Variants in ROBO2 observed in about 807,000 individuals in gnomAD.
ROBO2 encodes roundabout guidance receptor 2.
Under a neutral mutation model 160.8 loss-of-function variants are expected in ROBO2, and 53 were observed. The observed-to-expected ratio is 0.33, with a 90% CI of 0.26 to 0.41. The LOEUF (loss-of-function observed/expected upper bound fraction) is 0.41. Among genes scored for constraint, ROBO2 ranks in the 10% least tolerant of loss-of-function variants. The pLI, the probability that ROBO2 is intolerant of heterozygous loss-of-function variation, is 1.00. For synonymous variants in ROBO2, 664 were observed against 611.7 expected (o/e 1.09, Z -1.26); for missense variants, 1,577 against 1,722.4 (o/e 0.92, Z 1.49).
chr3:76,336,549 C>A (rs1362488678), intron 2 of ROBO2, among the ~76,000 whole-genome samples: 1 of 152,162 alleles, frequency 6.6e-6, no homozygotes, highest in Non-Finnish European at 1.5e-5. Flanking sequence ...AAGAATACTG[C>A]AGTGGCCTAA....
intron 2 of ROBO2, among the ~76,000 whole-genome samples, chr3:76,626,628 A>C (rs1051300489): frequency 1.3e-5 from 2 of 152,200 alleles, no homozygotes; most frequent in African/African-American, 4.8e-5. Context: ...CAACATCTCT[A>C]TCCATTATCA....
chr3:76,542,767 G>A (rs1056784740), intron 2 of ROBO2, among the ~76,000 whole-genome samples: 4 of 152,016 alleles, frequency 2.6e-5, no homozygotes, highest in Non-Finnish European at 5.9e-5. Flanking sequence ...TTACTCCTCT[G>A]TCCAATAATA....
chr3:77,073,275 A>C (rs1289610056), intron 1 of ROBO2, among the ~76,000 whole-genome samples: 1 of 152,130 alleles, frequency 6.6e-6, no homozygotes, highest in African/African-American at 2.4e-5. Flanking sequence ...ATTGGCCATT[A>C]TTTTTCTAAT....
intron 2 of ROBO2, among the ~76,000 whole-genome samples, chr3:77,250,550 C>CA (rs1457238961): frequency 1.3e-5 from 2 of 152,212 alleles, no homozygotes; most frequent in Admixed American, 6.5e-5. Flanking sequence ...CTGAGGCAGA[C>CA]ACGGTCTTTT....
intron 2 of ROBO2, among the ~76,000 whole-genome samples, chr3:76,689,636 T>G (rs2092757953): frequency 6.6e-6 from 1 of 152,160 alleles, no homozygotes; most frequent in African/African-American, 2.4e-5. Context: ...CTAGAAACCT[T>G]AATAAACAAT....
chr3:77,493,229 A>AT lies in ROBO2; in HGVS notation c.668-5dup, dbSNP rs769192248. 5,498 of 1,421,466 alleles carry AT rather than the reference A, an allele frequency of 3.9e-3. No homozygotes were observed. Among genetic ancestry groups the AT allele is most frequent in the Non-Finnish European group, 4.4e-3 (4,517 of 1,030,696 alleles). The allele number at this position is 1,421,466 out of a possible 1,614,324, so 88.1% of individuals were successfully genotyped here. A position where few individuals can be genotyped will look rare whatever the true frequency, so the allele number is the denominator to read the frequency against. ...GTTTATCTCATTTTACCATTGTTTC[A>AT]TTTTTTTTTTCAAGAACGACCCACA... On this transcript the variant is annotated splice_polypyrimidine_tract_variant and intron_variant, in intron 4 of 25. Transcript: ENST00000461745.
chr3:76,270,840 A>G (rs571514740), intron 2 of ROBO2, among the ~76,000 whole-genome samples: 3 of 152,062 alleles, frequency 2.0e-5, no homozygotes, highest in Non-Finnish European at 4.4e-5. Context: ...AGTCCTAGAT[A>G]TGTTACCTGA....
chr3:75,911,326 A>T (rs1340552837), intron 1 of ROBO2, among the ~76,000 whole-genome samples: 1 of 152,132 alleles, frequency 6.6e-6, no homozygotes, highest in African/African-American at 2.4e-5. Context: ...TAGCTATATG[A>T]GCTTGAAAAC....
chr3:77,168,194 G>A (rs1242101929), intron 2 of ROBO2, among the ~76,000 whole-genome samples: 1 of 152,154 alleles, frequency 6.6e-6, no homozygotes, highest in Non-Finnish European at 1.5e-5. Context: ...CCAAGCACTT[G>A]GCTTAACATA....
intron 2 of ROBO2, among the ~76,000 whole-genome samples, chr3:76,745,106 T>C (rs2093864558): frequency 6.6e-6 from 1 of 152,180 alleles, no homozygotes; most frequent in African/African-American, 2.4e-5. Flanking sequence ...CTTAAGTATA[T>C]TTGAGGATTA....
At position 76,319,912 on chromosome 3, in the gene ROBO2, T is replaced by G. The variant is rs549877928; in HGVS notation, c.109+382310T>G. Among the ~76,000 whole-genome samples, 40 of 152,190 alleles carry G rather than the reference T, an allele frequency of 2.6e-4. 1 individual carries two copies. Among genetic ancestry groups the G allele is most frequent in the African/African-American group, 9.6e-4 (40 of 41,552 alleles). On this transcript the variant is annotated intron_variant, in intron 2 of 26. Transcript: ENST00000487694. Reference sequence around the variant, plus strand: ...GGAATTTTGGTGTGTGGCATGGTGATATGGTCTAGGAAATACTCTGTATCC... The same window carrying G: ...GGAATTTTGGTGTGTGGCATGGTGAGATGGTCTAGGAAATACTCTGTATCC...
chr3:76,755,712 G>T (rs2060932349), intron 2 of ROBO2, among the ~76,000 whole-genome samples: 1 of 151,772 alleles, frequency 6.6e-6, no homozygotes, highest in Admixed American at 6.6e-5. Flanking sequence ...CTATAAAGTT[G>T]TCCTCAATCA....
At chr3:77,244,774 A>G (rs1382528188) in intron 2 of ROBO2, among the ~76,000 whole-genome samples, 1 of 151,062 alleles carries the variant, frequency 6.6e-6, no homozygotes, top group Non-Finnish European at 1.5e-5. Context: ...GCTACTCGGG[A>G]GGCTGAGGCA....
rs566661552 is a variant in ROBO2 at position 76,398,124 on chromosome 3, A to G, written c.109+460522A>G. 2.2e-3 allele frequency among the ~76,000 whole-genome samples: 331 copies of G among 152,268 alleles called. 1 individual carries two copies. Among genetic ancestry groups the G allele is most frequent in the African/African-American group, 7.6e-3 (315 of 41,544 alleles). The stretch of plus-strand genomic sequence containing the variant: ...GATTAAGAAAATGTGGCACATATAC[A>G]GCATGGAATACTATGCAGCCATAAA... On this transcript the variant is annotated intron_variant, in intron 2 of 26. Transcript: ENST00000487694.
intron 2 of ROBO2, among the ~76,000 whole-genome samples, chr3:76,889,682 A>C (rs1043638988): frequency 1.5e-4 from 23 of 152,326 alleles, no homozygotes; most frequent in African/African-American, 5.1e-4. Context: ...CCCTGTGTGG[A>C]TTACACTTTG....
chr3:76,544,877 C>T (rs933007756), intron 2 of ROBO2, among the ~76,000 whole-genome samples: 1 of 151,910 alleles, frequency 6.6e-6, no homozygotes, highest in African/African-American at 2.4e-5. Flanking sequence ...GTTTAAAAGC[C>T]TTTACTGCTA....
chr3:76,383,614 G>C (rs2076738320), intron 2 of ROBO2, among the ~76,000 whole-genome samples: 1 of 152,086 alleles, frequency 6.6e-6, no homozygotes. Flanking sequence ...TTTGATGTGT[G>C]TTAAGAGTGG....
chr3:76,659,121 G>A (rs1311041406), intron 2 of ROBO2, among the ~76,000 whole-genome samples: 3 of 151,936 alleles, frequency 2.0e-5, no homozygotes, highest in Non-Finnish European at 2.9e-5. Context: ...ATTAAGTACA[G>A]GCTTGCACTT....
At chr3:76,485,612 A>G (rs1577543261) in intron 2 of ROBO2, among the ~76,000 whole-genome samples, 1 of 152,170 alleles carries the variant, frequency 6.6e-6, no homozygotes. Context: ...GCCTACTTTG[A>G]GAAATAGGTG....
Sources: allele counts gnomAD v4.1 joint callset (sites outside exome capture counted in the v4.1 genomes callset), GRCh38; gene constraint gnomAD v4.1.1; transcripts MANE v1.5; gene names NCBI Gene and HGNC (gene_info 2026-07-23, HGNC 2026-07-21).